The following ABCA8 variants were observed in gnomAD, a reference collection of about 807,000 sequenced individuals.
ABCA8 encodes the protein ABC-type organic anion transporter ABCA8.
ABCA8 carries 177 observed loss-of-function variants against 192.3 expected under a neutral mutation model. That is an observed-to-expected ratio of 0.92 (90% confidence interval 0.81 to 1.04). The LOEUF (loss-of-function observed/expected upper bound fraction) is 1.04. Among genes scored for constraint, ABCA8 ranks in the 50% least tolerant of loss-of-function variants. The pLI, the probability that ABCA8 is intolerant of heterozygous loss-of-function variation, is 0.00. For missense variants in ABCA8, 1,915 were observed against 1,904.8 expected, an observed-to-expected ratio of 1.01 and a Z score of -0.10; for synonymous variants, 642 against 690.2, an observed-to-expected ratio of 0.93 and a Z score of 1.09.
chr17:68,934,184 T>A (rs761934863), intron 5 of ABCA8, among the ~76,000 whole-genome samples: 1 of 152,200 alleles, frequency 6.6e-6, no homozygotes, highest in Non-Finnish European at 1.5e-5. Context: ...TTGCCTCATT[T>A]AATTTTTTCT....
intron 7 of ABCA8, among the ~76,000 whole-genome samples, chr17:68,931,293 G>A (rs1208875901): frequency 6.6e-6 from 1 of 152,146 alleles, no homozygotes; most frequent in Non-Finnish European, 1.5e-5. Flanking sequence ...GCCTCAGCCT[G>A]GCAAACATTA....
At chr17:68,882,945 C>T (rs1013671703) in intron 29 of ABCA8, among the ~76,000 whole-genome samples, 1 of 152,106 alleles carries the variant, frequency 6.6e-6, no homozygotes, top group African/African-American at 2.4e-5. Context: ...ATTTTTATAT[C>T]ATAGCTCAAT....
intron 18 of ABCA8, 104 bp downstream of exon 18, chr17:68,907,636 G>C: frequency 9.7e-7 from 1 of 1,035,362 alleles, no homozygotes; most frequent in Non-Finnish European, 1.3e-6. Context: ...TTCAGTACCT[G>C]AGCATACTGT....
chr17:68,880,856 G>A (rs1160878249), intron 32 of ABCA8: 15 of 468,118 alleles, frequency 3.2e-5, no homozygotes, highest in Admixed American at 6.8e-5. Flanking sequence ...TGAGCCCAGC[G>A]GGTCTGAGCC....
rs1457468868 is a variant in ABCA8, at chr17:68,921,435, G to A, written c.1559C>T (p.Ala520Val). Residue 520 changes from alanine to valine, a missense_variant, in exon 13 of 40, where the codon GCT (alanine) becomes GTT (valine). Transcript: ENST00000586539. ...AATGTTTAGCAGTGTTGACTTTCCAGCTCCACTGTGACCAAGTATTGCAGT... is the reference window on the plus strand; with the variant it reads ...AATGTTTAGCAGTGTTGACTTTCCAACTCCACTGTGACCAAGTATTGCAGT... ...QITAILGHSG[A>V]GKSTLLNILS... is the part of the protein sequence containing the mutation. 2 of 1,611,162 alleles carry A rather than the reference G, an allele frequency of 1.2e-6. No homozygotes were observed. The highest frequency in any genetic ancestry group is 1.7e-6 in the Non-Finnish European group (2 of 1,178,078).
chr17:68,887,537 T>C, intron 24 of ABCA8, 31 bp from the exon 25 acceptor site: 2 of 1,561,520 alleles, frequency 1.3e-6, no homozygotes, highest in Non-Finnish European at 8.7e-7. Flanking sequence ...ATACAAAGTT[T>C]GTGGCTTAAG....
chr17:68,915,249 C>T (rs912915360), intron 17 of ABCA8, among the ~76,000 whole-genome samples: 2 of 152,006 alleles, frequency 1.3e-5, no homozygotes, highest in African/African-American at 4.8e-5. Context: ...ACCCCACAAG[C>T]AGAGGTGACT....
At chr17:68,943,957 T>C (rs1223096211) in intron 2 of ABCA8, among the ~76,000 whole-genome samples, 1 of 152,076 alleles carries the variant, frequency 6.6e-6, no homozygotes, top group Non-Finnish European at 1.5e-5. Flanking sequence ...ATATACACCA[T>C]GGAATACTAT....
intron 37 of ABCA8, among the ~76,000 whole-genome samples, chr17:68,872,226 A>G (rs1050504956): frequency 1.4e-4 from 21 of 152,090 alleles, no homozygotes; most frequent in African/African-American, 3.1e-4. Context: ...TGTGGCACAT[A>G]TACACCATGG....
intron 24 of ABCA8, among the ~76,000 whole-genome samples, chr17:68,888,118 C>T (rs961104546): frequency 6.7e-6 from 1 of 149,042 alleles, no homozygotes; most frequent in Non-Finnish European, 1.5e-5. Context: ...TATATAATTG[C>T]TTTATCCTTT....
Position 68,867,953 on chromosome 17 carries a change from T to C in ABCA8, c.*132A>G. On this transcript the variant is annotated 3_prime_UTR_variant, in exon 40 of 40. Transcript: ENST00000586539. Reference sequence around the variant, plus strand: ...ATGGCACTTACCCAGCACCCGAACCTCCTCCTCCCACCACACGGAGAACCA... The same window carrying C: ...ATGGCACTTACCCAGCACCCGAACCCCCTCCTCCCACCACACGGAGAACCA... 1 of 740,132 alleles carries C rather than the reference T, an allele frequency of 1.4e-6. No individual in the cohort carries two copies. The highest frequency in any genetic ancestry group is 2.2e-6 in the Non-Finnish European group (1 of 460,850). 45.8% of individuals were successfully genotyped at this position (740,132 alleles called of 1,614,324 possible). A position where few individuals can be genotyped will look rare whatever the true frequency, so the allele number is the denominator to read the frequency against.
At chr17:68,904,236 C>T (rs1208977228) in intron 19 of ABCA8, among the ~76,000 whole-genome samples, 1 of 150,680 alleles carries the variant, frequency 6.6e-6, no homozygotes, top group Non-Finnish European at 1.5e-5. Context: ...GAGCCGAGAT[C>T]GTGCCACTGC....
At chr17:68,936,785 T>A (rs1245613159) in intron 5 of ABCA8, among the ~76,000 whole-genome samples, 166 bp downstream of exon 5, 1 of 152,076 alleles carries the variant, frequency 6.6e-6, no homozygotes, top group Non-Finnish European at 1.5e-5. Context: ...CTTATCGATA[T>A]GTTCTTATGC....
rs570670770 is a variant in ABCA8, at chr17:68,914,426, T to C, written c.2138+2935A>G. ...AACTACACCAAAATGCTATTAGAAC[T>C]GATAAACAAAGTCAGTAAAGTTGCA... On this transcript the variant is annotated intron_variant, in intron 17 of 39. Coordinates refer to ENST00000586539, the MANE Select transcript of ABCA8 (RefSeq NM_001288985.2). Among the ~76,000 whole-genome samples the C allele has an allele frequency of 1.3e-4, 20 of 152,222 alleles. No individual in the cohort carries two copies. The South Asian group carries it at 3.3e-3, about 25-fold the overall frequency.
Position 68,924,705 on chromosome 17 carries a change from T to A in ABCA8, c.1438A>T (p.Ile480Phe), listed in dbSNP as rs377485946. 5 of 1,612,646 alleles carry A rather than the reference T, an allele frequency of 3.1e-6. No individual in the cohort carries two copies. Among genetic ancestry groups the A allele is most frequent in the African/African-American group, 2.7e-5 (2 of 74,740 alleles). The change falls in exon 11 of 40, where the codon ATC becomes TTC. Residue 480 changes from isoleucine (I) to phenylalanine (F), a missense_variant. Coordinates refer to ENST00000586539, the MANE Select transcript of ABCA8 (RefSeq NM_001288985.2). ...CTCCACCTGCAGCCTTATTACCTGA[T>A]GGCTTCTTTCCCTTGGAATTCTGGA... ...APPEFQGKEAIRIRNVTKEYK... is the reference protein window; with the variant it reads ...APPEFQGKEAFRIRNVTKEYK...
intron 11 of ABCA8, among the ~76,000 whole-genome samples, chr17:68,923,803 G>A (rs2067613102): frequency 6.6e-6 from 1 of 152,164 alleles, no homozygotes; most frequent in Admixed American, 6.5e-5. Context: ...ACACAGGCTG[G>A]TCATTGATGA....
chr17:68,936,036 T>C (rs964604828), intron 5 of ABCA8, among the ~76,000 whole-genome samples: 2 of 152,134 alleles, frequency 1.3e-5, no homozygotes, highest in African/African-American at 2.4e-5. Flanking sequence ...CACTGAAAAA[T>C]AGGCAAATGG....
chr17:68,881,212 C>T lies in ABCA8; in HGVS notation c.3947-1G>A, dbSNP rs754885644. 6.2e-6 allele frequency: 10 copies of T among 1,605,396 alleles called. No homozygotes were observed. The South Asian group carries it at 1.1e-4, about 18-fold the overall frequency. On this transcript the variant is annotated splice_acceptor_variant, in intron 31 of 39. Coordinates refer to ENST00000586539, the MANE Select transcript of ABCA8 (RefSeq NM_001288985.2). LOFTEE classifies it high-confidence loss of function. ...TGTCCTAATAATCCTAAAACTTCACCTGAAAAAAAGGTTACACTTAATATT... is the reference window on the plus strand; with the variant it reads ...TGTCCTAATAATCCTAAAACTTCACTTGAAAAAAAGGTTACACTTAATATT...
intron 32 of ABCA8, chr17:68,880,280 C>T (rs2066303505): frequency 6.6e-6 from 1 of 152,178 alleles, no homozygotes; most frequent in Admixed American, 6.5e-5. Flanking sequence ...ATCGAGATGA[C>T]CTGCCTACAA....
Sources: allele counts gnomAD v4.1 joint callset (sites outside exome capture counted in the v4.1 genomes callset), GRCh38; gene constraint gnomAD v4.1.1; transcripts MANE v1.5; gene names NCBI Gene and HGNC (gene_info 2026-07-23, HGNC 2026-07-21).